Variants in SUMF1 observed in about 807,000 individuals in gnomAD.
The protein encoded by SUMF1 is formylglycine-generating enzyme.
SUMF1 carries 48 observed loss-of-function variants against 47.6 expected under a neutral mutation model. The ratio of observed to expected loss-of-function variants is 1.01; its 90% confidence interval spans 0.80 to 1.28. The LOEUF (loss-of-function observed/expected upper bound fraction) is 1.28. SUMF1 is among the 50% of genes most tolerant of loss of function. The pLI is 0.00. For missense variants in SUMF1, 571 were observed against 485.4 expected, an observed-to-expected ratio of 1.18 and a Z score of -1.66; for synonymous variants, 230 against 192.1, an observed-to-expected ratio of 1.20 and a Z score of -1.63.
intron 8 of SUMF1, among the ~76,000 whole-genome samples, chr3:4,158,474 A>G (rs755343354): frequency 2.0e-4 from 30 of 151,586 alleles, no homozygotes; most frequent in Admixed American, 3.3e-4. Flanking sequence ...CATTTGTTCT[A>G]TAAGTACAAA....
At chr3:4,398,475 T>G (rs1701107353) in intron 7 of SUMF1, among the ~76,000 whole-genome samples, 1 of 152,208 alleles carries the variant, frequency 6.6e-6, no homozygotes, top group Non-Finnish European at 1.5e-5. Flanking sequence ...ATAACCTGGT[T>G]TTATTTCCAG....
At chr3:4,242,743 C>T (rs1281338114) in intron 8 of SUMF1, among the ~76,000 whole-genome samples, 1 of 151,950 alleles carries the variant, frequency 6.6e-6, no homozygotes, top group Non-Finnish European at 1.5e-5. Context: ...TCTCTTTTTG[C>T]TGTGTCTCTG....
intron 8 of SUMF1, among the ~76,000 whole-genome samples, chr3:4,206,913 A>G (rs145916950): frequency 1.4e-3 from 212 of 152,200 alleles, no homozygotes; most frequent in African/African-American, 4.5e-3. Flanking sequence ...TTTGATAATG[A>G]TTATGTTGAA....
chr3:4,162,454 G>A (rs1336914749), intron 8 of SUMF1, among the ~76,000 whole-genome samples: 2 of 152,126 alleles, frequency 1.3e-5, no homozygotes, highest in Non-Finnish European at 2.9e-5. Context: ...CCTTTACCCA[G>A]CAGTGGCAAG....
intron 8 of SUMF1, among the ~76,000 whole-genome samples, chr3:4,315,105 C>T (rs1445309770): frequency 2.6e-5 from 4 of 152,138 alleles, no homozygotes; most frequent in Non-Finnish European, 4.4e-5. Flanking sequence ...CTAGAGTACA[C>T]ATAAAATGCC....
intron 8 of SUMF1, among the ~76,000 whole-genome samples, chr3:4,207,952 C>T (rs925182888): frequency 6.6e-6 from 1 of 152,048 alleles, no homozygotes; most frequent in African/African-American, 2.4e-5. Context: ...TCATAGGAGG[C>T]CCCCATGTTT....
chr3:4,461,555 ATCT>A (rs2079815081), intron 1 of SUMF1, among the ~76,000 whole-genome samples: 1 of 152,120 alleles, frequency 6.6e-6, no homozygotes, highest in Non-Finnish European at 1.5e-5. Flanking sequence ...AACTTTTCTC[ATCT>A]TCTTCTCCCT....
intron 6 of SUMF1, among the ~76,000 whole-genome samples, chr3:4,416,501 T>C (rs1701717162): frequency 6.6e-6 from 1 of 152,228 alleles, no homozygotes; most frequent in Non-Finnish European, 1.5e-5. Context: ...TAAAAAAATA[T>C]GATACATATA....
chr3:4,223,197 GCTT>G (rs2125176877), intron 8 of SUMF1, among the ~76,000 whole-genome samples: 1 of 152,194 alleles, frequency 6.6e-6, no homozygotes, highest in South Asian at 2.1e-4. Flanking sequence ...TGCTTGTCTG[GCTT>G]CTTCTCAAAT....
chr3:4,460,824 T>C (rs78385618), intron 1 of SUMF1, among the ~76,000 whole-genome samples: 6 of 146,292 alleles, frequency 4.1e-5, no homozygotes, highest in African/African-American at 5.0e-5. Flanking sequence ...ACCCTGCTAA[T>C]TTTTTTTTTT....
At chr3:4,036,385 G>A (rs1321917258) in intron 9 of SUMF1, among the ~76,000 whole-genome samples, 2 of 152,090 alleles carry the variant, frequency 1.3e-5, no homozygotes, top group Non-Finnish European at 2.9e-5. Context: ...GATGTTCAGG[G>A]AGAGACCACC....
intron 8 of SUMF1, among the ~76,000 whole-genome samples, chr3:4,088,940 G>T (rs919736718): frequency 6.6e-6 from 1 of 152,086 alleles, no homozygotes. Flanking sequence ...AATGAATGTA[G>T]CAATCTAGGT....
Position 4,217,374 on chromosome 3 carries a change from G to T in SUMF1, c.1015-148629C>A, listed in dbSNP as rs115256118. Reference sequence around the variant, plus strand: ...CACAAGGGCCTGTCAGGGGGTGAGGGGTTAGGGGAGGGATAACATTAGGAG... The same window carrying T: ...CACAAGGGCCTGTCAGGGGGTGAGGTGTTAGGGGAGGGATAACATTAGGAG... On this transcript the variant is annotated intron_variant and NMD_transcript_variant, in intron 8 of 12. Coordinates refer to the SUMF1 transcript ENST00000448413. 7.7e-3 allele frequency among the ~76,000 whole-genome samples: 1,143 copies of T among 148,554 alleles called. 13 individuals are homozygous for T. The highest frequency in any genetic ancestry group is 0.027 in the African/African-American group (1,069 of 40,010).
chr3:4,442,162 C>G (rs940549064), intron 3 of SUMF1, among the ~76,000 whole-genome samples: 11 of 152,070 alleles, frequency 7.2e-5, no homozygotes, highest in African/African-American at 2.4e-4. Flanking sequence ...GTAGCTCACA[C>G]TGGAAGGAAT....
intron 8 of SUMF1, among the ~76,000 whole-genome samples, chr3:4,320,060 T>C (rs751524553): frequency 1.3e-5 from 2 of 152,224 alleles, no homozygotes; most frequent in Non-Finnish European, 2.9e-5. Context: ...TTCTGTATGA[T>C]ACTGTGATGG....
chr3:4,235,791 A>C (rs1233201478), intron 8 of SUMF1, among the ~76,000 whole-genome samples: 1 of 152,048 alleles, frequency 6.6e-6, no homozygotes, highest in East Asian at 1.9e-4. Flanking sequence ...AAATCATTAG[A>C]TGCAAGTACC....
At chr3:4,311,103 C>G (rs1698387895) in intron 8 of SUMF1, among the ~76,000 whole-genome samples, 1 of 152,194 alleles carries the variant, frequency 6.6e-6, no homozygotes, top group South Asian at 2.1e-4. Context: ...CTCTCCACCC[C>G]CAAATGACTT....
At chr3:4,394,224 C>T (rs1049050669) in intron 7 of SUMF1, among the ~76,000 whole-genome samples, 8 of 152,020 alleles carry the variant, frequency 5.3e-5, no homozygotes, top group Non-Finnish European at 1.2e-4. Flanking sequence ...GGGTAGAGTG[C>T]AGTGGCGTGA....
At chr3:4,052,179 G>A (rs1018600465) in intron 9 of SUMF1, among the ~76,000 whole-genome samples, 4 of 152,040 alleles carry the variant, frequency 2.6e-5, no homozygotes, top group African/African-American at 9.7e-5. Context: ...GTCACAGATG[G>A]CACCTTCTCA....
Sources: allele counts gnomAD v4.1 joint callset (sites outside exome capture counted in the v4.1 genomes callset), GRCh38; gene constraint gnomAD v4.1.1; transcripts MANE v1.5; gene names NCBI Gene and HGNC (gene_info 2026-07-23, HGNC 2026-07-21).